Variants in ADARB2 observed in about 807,000 individuals in gnomAD.
ADARB2 encodes the protein adenosine deaminase RNA specific B2 (inactive), also known as inactive double-stranded RNA-specific editase B2.
Under a neutral mutation model 62.2 loss-of-function variants are expected in ADARB2, and 25 were observed. That is an observed-to-expected ratio of 0.40 (90% confidence interval 0.29 to 0.56). The LOEUF is 0.56. ADARB2 is among the 20% of genes least tolerant of loss of function. ADARB2 has a pLI of 0.43. For missense variants in ADARB2, 1,071 were observed against 1,077.4 expected, an observed-to-expected ratio of 0.99 and a Z score of 0.08; for synonymous variants, 572 against 500.8, an observed-to-expected ratio of 1.14 and a Z score of -1.90.
intron 7 of ADARB2, among the ~76,000 whole-genome samples, chr10:1,209,471 AC>A (rs1837116661): frequency 6.9e-6 from 1 of 144,102 alleles, no homozygotes; most frequent in South Asian, 2.2e-4. Flanking sequence ...CATCACCCAC[AC>A]CCATGCCCAT....
chr10:1,672,855 C>T (rs75634623), intron 1 of ADARB2, among the ~76,000 whole-genome samples: 432 of 151,000 alleles, frequency 2.9e-3, no homozygotes, highest in Non-Finnish European at 4.8e-3. Flanking sequence ...AATCATTTTA[C>T]AAATGAGACA....
At chr10:1,527,750 A>T (rs1832167626) in intron 1 of ADARB2, among the ~76,000 whole-genome samples, 1 of 152,206 alleles carries the variant, frequency 6.6e-6, no homozygotes, top group African/African-American at 2.4e-5. Context: ...CACACATCTC[A>T]TCAGAGGAGC....
chr10:1,669,329 C>T (rs951101659), intron 1 of ADARB2, among the ~76,000 whole-genome samples: 4 of 152,166 alleles, frequency 2.6e-5, no homozygotes, highest in African/African-American at 7.2e-5. Flanking sequence ...CAGCCGATCC[C>T]GAGGACTTGA....
At position 1,242,274 on chromosome 10, in the gene ADARB2, G is replaced by A. The variant is rs371856728; in HGVS notation, c.1218C>T (p.Val406=). The A allele has an allele frequency of 6.4e-6, 10 of 1,571,996 alleles. No individual in the cohort carries two copies. The highest frequency in any genetic ancestry group is 1.3e-5 in the African/African-American group (1 of 74,352). The change falls in exon 5 of 10, where the codon GTC becomes GTT. Residue 406 remains valine (V), a synonymous_variant. Transcript: ENST00000381312. The part of the protein sequence containing the change: ...TKGLDARQAQ[V]VALSSGTKCI... ...ACTTGGTCCCCGAGGACAGGGCCAC[G>A]ACCTGCGCCTGCCGAGCATCCAGGC... is the stretch of plus-strand genomic sequence containing the variant.
At chr10:1,472,665 C>A (rs1038376529) in intron 1 of ADARB2, among the ~76,000 whole-genome samples, 3 of 152,244 alleles carry the variant, frequency 2.0e-5, no homozygotes, top group Admixed American at 6.5e-5. Flanking sequence ...ATCGGTCCGG[C>A]ACAACCTCTT....
intron 1 of ADARB2, among the ~76,000 whole-genome samples, chr10:1,493,729 C>CTTTTTTTTTTTTTTTTT (rs555812632): frequency 1.8e-5 from 1 of 56,846 alleles, no homozygotes; most frequent in African/African-American, 8.1e-5. Context: ...ATATGGCATT[C>CTTTTTTTTTTTTTTTTT]TTTTTTTTTT....
intron 1 of ADARB2, among the ~76,000 whole-genome samples, chr10:1,672,892 T>G (rs143459967): frequency 1.2e-4 from 19 of 152,226 alleles, no homozygotes; most frequent in African/African-American, 4.3e-4. Flanking sequence ...GGAGAGTAAT[T>G]ACTCAGGGTA....
rs1407127888 is a variant in ADARB2, at chr10:1,182,395, CA to C, written c.*797del. ...GCAGCACGCGTGGGCCGGGTGTTTC[CA>C]GACTCCCCACATCTGCAGCACGCGT... is the stretch of plus-strand genomic sequence containing the variant. On this transcript the variant is annotated 3_prime_UTR_variant, in exon 10 of 10. Transcript: ENST00000381312. 2 of 153,492 alleles carry C rather than the reference CA, an allele frequency of 1.3e-5. No individual in the cohort carries two copies. The highest frequency in any genetic ancestry group is 1.4e-5 in the Non-Finnish European group (1 of 68,990). 9.5% of individuals were successfully genotyped at this position (153,492 alleles called of 1,614,324 possible).
At chr10:1,615,847 C>G (rs2132023585) in intron 1 of ADARB2, among the ~76,000 whole-genome samples, 1 of 152,358 alleles carries the variant, frequency 6.6e-6, no homozygotes, top group Admixed American at 6.5e-5. Flanking sequence ...TGCTCCTACC[C>G]AGTGGGGCAG....
intron 4 of ADARB2, among the ~76,000 whole-genome samples, chr10:1,244,811 T>C (rs1434971050): frequency 2.0e-5 from 3 of 151,870 alleles, no homozygotes; most frequent in African/African-American, 2.4e-5. Flanking sequence ...GGAGGAGGCG[T>C]CCTAGGCAGA....
intron 1 of ADARB2, among the ~76,000 whole-genome samples, chr10:1,677,871 C>G (rs1185068282): frequency 6.6e-6 from 1 of 152,208 alleles, no homozygotes; most frequent in African/African-American, 2.4e-5. Context: ...GCTTCCCTCA[C>G]TCTCCCTAGG....
Position 1,199,949 on chromosome 10 carries a change from G to T in ADARB2, c.1864+17C>A. On this transcript the variant is annotated intron_variant, in intron 8 of 9. Coordinates refer to ENST00000381312, the MANE Select transcript of ADARB2 (RefSeq NM_018702.4). ...GGTGGGAAGGAGGTGGAGGGCCCCC[G>T]GGAAGGGGGTTCTTACCGCTGAGGA... is the stretch of plus-strand genomic sequence containing the variant. 6.6e-7 allele frequency: 1 copy of T among 1,504,378 alleles called. No homozygotes were observed. Among genetic ancestry groups the T allele is most frequent in the East Asian group, 2.4e-5 (1 of 42,304 alleles). The allele number at this position is 1,504,378 out of a possible 1,614,324, so 93.2% of individuals were successfully genotyped here.
chr10:1,447,749 G>A (rs755181358), intron 1 of ADARB2, among the ~76,000 whole-genome samples: 2 of 152,032 alleles, frequency 1.3e-5, no homozygotes, highest in Non-Finnish European at 2.9e-5. Flanking sequence ...CCTCAAGCAG[G>A]CCCTGGTGTC....
chr10:1,259,580 T>C (rs1007762111), intron 4 of ADARB2, among the ~76,000 whole-genome samples: 11 of 151,972 alleles, frequency 7.2e-5, no homozygotes, highest in Non-Finnish European at 1.3e-4. Flanking sequence ...ACACATACAC[T>C]CTCCCAAGAC....
At chr10:1,527,000 C>A in intron 1 of ADARB2, 1 of 258,260 alleles carries the variant, frequency 3.9e-6, no homozygotes, top group Non-Finnish European at 8.3e-6. Context: ...CTCTGACTTC[C>A]AAACGAAACC....
At chr10:1,341,797 A>G (rs547950639) in intron 3 of ADARB2, among the ~76,000 whole-genome samples, 1 of 152,222 alleles carries the variant, frequency 6.6e-6, no homozygotes, top group South Asian at 2.1e-4. Context: ...AGCATCAGCC[A>G]GAGAACCACG....
chr10:1,389,126 T>C (rs75707557), intron 1 of ADARB2, among the ~76,000 whole-genome samples: 3,723 of 152,278 alleles, frequency 0.024, 57 homozygotes, highest in Middle Eastern at 0.041. Flanking sequence ...TCACATCATA[T>C]GTGAAAATGA....
intron 1 of ADARB2, among the ~76,000 whole-genome samples, chr10:1,654,094 G>A (rs1371536775): frequency 6.6e-6 from 1 of 152,080 alleles, no homozygotes; most frequent in Non-Finnish European, 1.5e-5. Flanking sequence ...TCCTCTCCAC[G>A]CCTGCTCCTT....
intron 2 of ADARB2, among the ~76,000 whole-genome samples, chr10:1,372,059 C>G (rs1244946035): frequency 6.6e-6 from 1 of 152,142 alleles, no homozygotes; most frequent in South Asian, 2.1e-4. Context: ...ATGTAACCAA[C>G]CTAAATATCC....
Sources: gnomAD v4.1 joint callset for allele counts (sites outside exome capture counted in the v4.1 genomes callset) on GRCh38, gnomAD v4.1.1 for gene constraint, MANE v1.5 for transcripts, NCBI Gene and HGNC (gene_info 2026-07-23, HGNC 2026-07-21) for gene names.